The following STAMBP variants were observed in gnomAD, a reference collection of about 807,000 sequenced individuals.
STAMBP encodes STAM-binding protein.
In STAMBP, 31 loss-of-function variants were observed where a neutral mutation model predicts 50.7. The ratio of observed to expected loss-of-function variants is 0.61; its 90% CI spans 0.46 to 0.83. The LOEUF (loss-of-function observed/expected upper bound fraction) is 0.83. Ranked by LOEUF, STAMBP falls within the 40% of genes least tolerant of loss-of-function variation. The probability of loss-of-function intolerance (pLI) is 0.00; values close to 1 mark genes in which losing one functional copy is unlikely to be tolerated. For synonymous variants in STAMBP, 211 were observed against 192.4 expected (o/e 1.10, Z -0.80); for missense variants, 472 against 518.9 (o/e 0.91, Z 0.88).
chr2:73,832,084 C>CATATATATAT (rs67469518), intron 2 of STAMBP, among the ~76,000 whole-genome samples: 7 of 118,518 alleles, frequency 5.9e-5, no homozygotes, highest in African/African-American at 1.1e-4. Context: ...GAGTAGGTAA[C>CATATATATAT]ATATATATAT....
intron 2 of STAMBP, among the ~76,000 whole-genome samples, chr2:73,844,162 CCATGGA>C (rs1215828837): frequency 6.6e-6 from 1 of 152,152 alleles, no homozygotes; most frequent in Non-Finnish European, 1.5e-5. Context: ...AGCTTTAGAG[CCATGGA>C]CAAGAACCAA....
At chr2:73,859,832 A>C (rs998632898) in intron 8 of STAMBP, among the ~76,000 whole-genome samples, 4 of 152,148 alleles carry the variant, frequency 2.6e-5, no homozygotes, top group Non-Finnish European at 5.9e-5. Context: ...TTTACTATGA[A>C]TTCTCCAGCA....
At position 73,845,209 on chromosome 2, in the gene STAMBP, G is replaced by T. The variant is rs1357311880; in HGVS notation, c.322G>T (p.Ala108Ser). ...ATTTCCCAAAGCAGAAGAGCTGAAG[G>T]CAGAGCTGTTAAAACGATATACCAA... ...IAFPKAEELK[A>S]ELLKRYTKEY... Residue 108 changes from alanine (A) to serine (S), a missense_variant, in exon 4 of 10, where the codon GCA becomes TCA. Transcript: ENST00000394070. The T allele has an allele frequency of 1.9e-6, 3 of 1,614,096 alleles. No individual in the cohort carries two copies. The East Asian group carries it at 6.7e-5, about 36-fold the overall frequency.
Position 73,830,981 on chromosome 2 carries a change from A to G in STAMBP, c.125A>G (p.Glu42Gly), listed in dbSNP as rs397509387. 1.2e-6 allele frequency: 2 copies of G among 1,614,094 alleles called. No individual in the cohort carries two copies. The highest frequency in any genetic ancestry group is 1.3e-5 in the African/African-American group (1 of 74,940). The change falls in exon 2 of 10, where the codon GAG (glutamate) becomes GGG (glycine). Residue 42 changes from glutamate to glycine, a missense_variant. By Grantham distance (98) the Glu-to-Gly change is moderately conservative (BLOSUM62 -2). Transcript: ENST00000394070. ...PPRRYFRSGV[E>G]IIRMASIYSE... is the part of the protein sequence containing the mutation. ...CGTCGGTACTTCCGCTCTGGAGTTG[A>G]GATTATCCGAATGGCATCCATTTAC...
At chr2:73,859,189 C>G (rs1379167425) in intron 7 of STAMBP, 65 bp from the exon 8 acceptor site, 23 of 1,317,810 alleles carry the variant, frequency 1.7e-5, no homozygotes, top group Non-Finnish European at 2.5e-5. Flanking sequence ...GAAAGGGAAT[C>G]GCAAATAAGG....
intron 4 of STAMBP, among the ~76,000 whole-genome samples, chr2:73,845,936 C>T (rs1676001100): frequency 6.6e-6 from 1 of 152,162 alleles, no homozygotes; most frequent in African/African-American, 2.4e-5. Context: ...CCAGCCATTT[C>T]AAGCTATTTT....
rs1162168670 is a variant in STAMBP, at chr2:73,866,260, G to C, written c.*4001G>C. ...GTGACGCTACATAACCATGGGCTCT[G>C]TCCTTCCAGTTCCTTTAGTGCCTTC... On this transcript the variant is annotated 3_prime_UTR_variant, in exon 10 of 10. Transcript: ENST00000394070. 1 of 152,256 alleles carries C rather than the reference G, an allele frequency of 6.6e-6. No individual in the cohort carries two copies. The highest frequency in any genetic ancestry group is 1.5e-5 in the Non-Finnish European group (1 of 68,076). 9.4% of individuals were successfully genotyped at this position (152,256 alleles called of 1,614,324 possible). A position where few individuals can be genotyped will look rare whatever the true frequency, so the allele number is the denominator to read the frequency against.
At position 73,859,364 on chromosome 2, in the gene STAMBP, G is replaced by C; in HGVS notation, c.1116G>C (p.Gln372His). ...SVAIVCSPKF[Q>H]ETGFFKLTDH... ...CCATTGTTTGCTCCCCCAAGTTCCA[G>C]GAGTGAGTATAGAGGGCATGGTTCT... The change falls in exon 8 of 10, where the codon CAG becomes CAC. Residue 372 changes from glutamine (Q) to histidine (H), a missense_variant and splice_region_variant. Transcript: ENST00000394070. The C allele has an allele frequency of 6.2e-7, 1 of 1,613,208 alleles. No individual in the cohort carries two copies. Among genetic ancestry groups the C allele is most frequent in the Non-Finnish European group, 8.5e-7 (1 of 1,179,166 alleles).
intron 2 of STAMBP, among the ~76,000 whole-genome samples, chr2:73,838,754 C>T (rs888302320): frequency 2.0e-5 from 3 of 152,114 alleles, no homozygotes; most frequent in Non-Finnish European, 4.4e-5. Flanking sequence ...AGAGTTGGTG[C>T]GGATGAGATT....
intron 2 of STAMBP, among the ~76,000 whole-genome samples, chr2:73,834,207 CT>C: frequency 5.4e-5 from 1 of 18,622 alleles, no homozygotes; most frequent in Non-Finnish European, 9.6e-5. Context: ...AAGATCATGT[CT>C]TAAAAAAAAA....
chr2:73,840,313 GT>G (rs57827239), intron 2 of STAMBP, among the ~76,000 whole-genome samples: 5,421 of 115,632 alleles, frequency 0.047, 121 homozygotes, highest in African/African-American at 0.078. Flanking sequence ...TTAGGGGTTT[GT>G]TTTTTTTTTT....
chr2:73,846,847 C>T (rs1411693945), intron 4 of STAMBP, among the ~76,000 whole-genome samples: 1 of 151,916 alleles, frequency 6.6e-6, no homozygotes, highest in East Asian at 1.9e-4. Flanking sequence ...TTCGGGAGGC[C>T]GAGGTGGGCA....
At position 73,863,907 on chromosome 2, in the gene STAMBP, T is replaced by C. The variant is rs1249224940; in HGVS notation, c.*1648T>C. 1 of 152,236 alleles carries C rather than the reference T, an allele frequency of 6.6e-6. No homozygotes were observed. The highest frequency in any genetic ancestry group is 6.5e-5 in the Admixed American group (1 of 15,282). 9.4% of individuals were successfully genotyped at this position (152,236 alleles called of 1,614,324 possible). A position where few individuals can be genotyped will look rare whatever the true frequency, so the allele number is the denominator to read the frequency against. On this transcript the variant is annotated 3_prime_UTR_variant, in exon 10 of 10. Transcript: ENST00000394070. ...GCACACTTTGATCAGGAGAAGCTTC[T>C]CACATTCCAGCCATGTTCATGTTTT...
Position 73,864,478 on chromosome 2 carries a change from TG to T in STAMBP, c.*2220del, listed in dbSNP as rs1678681346. 1 of 152,208 alleles carries T rather than the reference TG, an allele frequency of 6.6e-6. No individual in the cohort carries two copies. The highest frequency in any genetic ancestry group is 1.5e-5 in the Non-Finnish European group (1 of 68,126). The allele number at this position is 152,208 out of a possible 1,614,324, so 9.4% of individuals were successfully genotyped here. A position where few individuals can be genotyped will look rare whatever the true frequency, so the allele number is the denominator to read the frequency against. ...AGTGTCTCTGTCTTCATCTTACCTC[TG>T]TGGAGGAGACGTGGAATCAAGCCAG... On this transcript the variant is annotated 3_prime_UTR_variant, in exon 10 of 10. Transcript: ENST00000394070.
chr2:73,853,434 A>G (rs1186555934), intron 7 of STAMBP, among the ~76,000 whole-genome samples: 1 of 152,216 alleles, frequency 6.6e-6, no homozygotes, highest in Non-Finnish European at 1.5e-5. Flanking sequence ...AACTAAATAT[A>G]TACTTTAGGC....
chr2:73,829,716 T>C (rs915131217), intron 1 of STAMBP, among the ~76,000 whole-genome samples: 1 of 152,116 alleles, frequency 6.6e-6, no homozygotes, highest in Non-Finnish European at 1.5e-5. Context: ...GGGGAAGGTT[T>C]GTGGAGGAAT....
At chr2:73,854,984 G>A (rs1428153325) in intron 7 of STAMBP, among the ~76,000 whole-genome samples, 7 of 152,172 alleles carry the variant, frequency 4.6e-5, no homozygotes, top group East Asian at 1.9e-4. Flanking sequence ...GCAACAGAGC[G>A]AAAACCCTAT....
rs1678564791 is a variant in STAMBP at position 73,863,377 on chromosome 2, G to A, written c.*1118G>A. On this transcript the variant is annotated 3_prime_UTR_variant, in exon 10 of 10. Coordinates refer to ENST00000394070, the MANE Select transcript of STAMBP (RefSeq NM_213622.4). ...ATAATGGTGTCATTTGTGACACCTCGAGTGAGGGCAGGAGAGTAAATACTT... is the reference window on the plus strand; with the variant it reads ...ATAATGGTGTCATTTGTGACACCTCAAGTGAGGGCAGGAGAGTAAATACTT... 1 of 152,140 alleles carries A rather than the reference G, an allele frequency of 6.6e-6. No individual in the cohort carries two copies. Among genetic ancestry groups the A allele is most frequent in the African/African-American group, 2.4e-5 (1 of 41,412 alleles). 9.4% of individuals were successfully genotyped at this position (152,140 alleles called of 1,614,324 possible).
chr2:73,855,123 A>G (rs1288740608), intron 7 of STAMBP, among the ~76,000 whole-genome samples: 1 of 152,220 alleles, frequency 6.6e-6, no homozygotes, highest in Non-Finnish European at 1.5e-5. Context: ...GGTCAAAAGT[A>G]TGGTTATGGA....
Sources: allele counts gnomAD v4.1 joint callset (sites outside exome capture counted in the v4.1 genomes callset), GRCh38; gene constraint gnomAD v4.1.1; transcripts MANE v1.5; gene names NCBI Gene and HGNC (gene_info 2026-07-23, HGNC 2026-07-21).